Variants in GSN observed in about 807,000 individuals in gnomAD.
The protein encoded by GSN is gelsolin.
In GSN, 56 loss-of-function variants were observed where a neutral mutation model predicts 85.7. The observed-to-expected ratio is 0.65, with a 90% confidence interval of 0.53 to 0.82. The LOEUF (loss-of-function observed/expected upper bound fraction) is 0.82, where lower values mean the gene tolerates loss of function less well. Among genes scored for constraint, GSN ranks in the 40% least tolerant of loss-of-function variants. GSN has a pLI of 0.00. For synonymous variants in GSN, 373 were observed against 399.1 expected (o/e 0.93, Z 0.78); for missense variants, 857 against 979.8 (o/e 0.87, Z 1.67).
chr9:121,229,708 T>C (rs1182751146), intron 4 of GSN, among the ~76,000 whole-genome samples: 1 of 152,226 alleles, frequency 6.6e-6, no homozygotes, highest in African/African-American at 2.4e-5. Context: ...TATCAGTTGG[T>C]TAAAGTGGTG....
rs746855774 is a variant in GSN, at chr9:121,317,223, T to C, written c.886+5T>C. 6 of 1,613,956 alleles carry C rather than the reference T, an allele frequency of 3.7e-6. No homozygotes were observed. The highest frequency in any genetic ancestry group is 5.1e-6 in the Non-Finnish European group (6 of 1,179,998). On this transcript the variant is annotated splice_donor_5th_base_variant and intron_variant, in intron 8 of 17. Transcript: ENST00000432226. Reference sequence around the variant, plus strand: ...GGAAAATCTTTGTCTGGAAAGGTACTGGAGACAGGGAAAGGGTCCCAACTG... The same window carrying C: ...GGAAAATCTTTGTCTGGAAAGGTACCGGAGACAGGGAAAGGGTCCCAACTG...
Position 121,302,070 on chromosome 9 carries a change from C to A in GSN, c.99C>A (p.Asn33Lys). The A allele has an allele frequency of 6.2e-7, 1 of 1,614,246 alleles. No homozygotes were observed. The highest frequency in any genetic ancestry group is 8.5e-7 in the Non-Finnish European group (1 of 1,180,034). Residue 33 changes from asparagine to lysine, a missense_variant, in exon 3 of 18, where the codon AAC (asparagine) becomes AAA (lysine). Coordinates refer to ENST00000432226, the MANE Select transcript of GSN (RefSeq NM_198252.3). ...EKFDLVPVPTNLYGDFFTGDA... is the reference protein window; with the variant it reads ...EKFDLVPVPTKLYGDFFTGDA... ...TCGATCTGGTGCCCGTGCCCACCAA[C>A]CTTTATGGAGACTTCTTCACGGGCG...
intron 1 of GSN, among the ~76,000 whole-genome samples, chr9:121,274,710 G>A (rs1055042135): frequency 3.3e-5 from 5 of 152,124 alleles, no homozygotes; most frequent in Non-Finnish European, 5.9e-5. Flanking sequence ...ATTACTAAGA[G>A]GAAGCTCAGG....
Position 121,299,888 on chromosome 9 carries a change from G to A in GSN, c.-9-2075G>A, listed in dbSNP as rs1588925136. 2 of 1,316,406 alleles carry A rather than the reference G, an allele frequency of 1.5e-6. No homozygotes were observed. Among genetic ancestry groups the A allele is most frequent in the East Asian group, 6.7e-5 (2 of 30,050 alleles). 81.5% of individuals were successfully genotyped at this position (1,316,406 alleles called of 1,614,324 possible). A position where few individuals can be genotyped will look rare whatever the true frequency, so the allele number is the denominator to read the frequency against. Reference sequence around the variant, plus strand: ...TGGCTCCGCACCGCCCCGCGCCCGCGCTGCTTTGCGCGCTGTCCCTGGCGC... The same window carrying A: ...TGGCTCCGCACCGCCCCGCGCCCGCACTGCTTTGCGCGCTGTCCCTGGCGC... On this transcript the variant is annotated intron_variant, in intron 2 of 17. Coordinates refer to ENST00000432226, the MANE Select transcript of GSN (RefSeq NM_198252.3). This position sits in a 1 kb window ranked among gnomAD's most constrained non-coding sequence, Gnocchi z 4.2.
At chr9:121,207,888 G>A (rs572021982) in exon 1 of GSN, 1 of 151,652 alleles carries the variant, frequency 6.6e-6, no homozygotes, top group South Asian at 2.1e-4. Context: ...CCAGGTAGCT[G>A]AGACTACAGG....
intron 4 of GSN, among the ~76,000 whole-genome samples, chr9:121,214,649 ACAT>A (rs1371014076): frequency 6.6e-6 from 1 of 152,214 alleles, no homozygotes; most frequent in African/African-American, 2.4e-5. Context: ...TCCCAGGAAC[ACAT>A]CATTTCTCCT....
intron 5 of GSN, among the ~76,000 whole-genome samples, chr9:121,232,159 A>G (rs1187922609): frequency 6.6e-6 from 1 of 152,158 alleles, no homozygotes; most frequent in East Asian, 1.9e-4. Context: ...ATAATCCCAA[A>G]CCTAACTTGT....
intron 1 of GSN, among the ~76,000 whole-genome samples, chr9:121,275,739 A>T (rs140042015): frequency 6.6e-5 from 10 of 152,342 alleles, no homozygotes; most frequent in African/African-American, 2.4e-4. Flanking sequence ...AGTGGTCTTA[A>T]AAAAGAGACC....
intron 13 of GSN, 192 bp from the exon 14 acceptor site, chr9:121,327,116 A>G (rs2133890324): frequency 1.4e-6 from 1 of 734,330 alleles, no homozygotes; most frequent in Non-Finnish European, 2.5e-6. Flanking sequence ...TTGGCTAGTC[A>G]CAGTGCATTA....
intron 4 of GSN, among the ~76,000 whole-genome samples, chr9:121,219,479 C>G (rs1033566889): frequency 6.6e-6 from 1 of 152,076 alleles, no homozygotes; most frequent in African/African-American, 2.4e-5. Context: ...ACAGCACATT[C>G]CAGGCAGCAG....
At chr9:121,310,426 G>A (rs2060972711) in intron 4 of GSN, 7 of 512,080 alleles carry the variant, frequency 1.4e-5, no homozygotes, top group Non-Finnish European at 2.5e-5. Context: ...GATGCAGTGG[G>A]CAGGGAATCT....
intron 12 of GSN, among the ~76,000 whole-genome samples, chr9:121,325,627 C>T (rs889925020): frequency 4.6e-5 from 7 of 152,110 alleles, no homozygotes; most frequent in African/African-American, 1.2e-4. Context: ...ATAGGGGAAG[C>T]GGACAACAAC....
upstream of GSN, among the ~76,000 whole-genome samples, chr9:121,207,531 G>A (rs185722432): frequency 2.1e-3 from 326 of 152,294 alleles, no homozygotes; most frequent in Non-Finnish European, 3.6e-3. Flanking sequence ...AGACAGTCTA[G>A]GACAAAGGGC....
rs1371740168 is a variant in GSN, at chr9:121,269,525, G to T, written c.-103+1306G>T. Among the ~76,000 whole-genome samples the T allele has an allele frequency of 2.0e-5, 3 of 152,232 alleles. No homozygotes were observed. In the East Asian group the frequency reaches 5.8e-4, roughly 29 times the overall value. The stretch of plus-strand genomic sequence containing the variant: ...ATTCCCTGTACATACACACTTGGGG[G>T]TGCTGGTTGGTGTTTCTTGGGGCTG... On this transcript the variant is annotated intron_variant, in intron 1 of 17. Transcript: ENST00000432226.
At chr9:121,293,983 A>G (rs1277352368) in intron 2 of GSN, among the ~76,000 whole-genome samples, 1 of 152,242 alleles carries the variant, frequency 6.6e-6, no homozygotes, top group East Asian at 1.9e-4. Context: ...CACTGCTAAT[A>G]AGTGATAGAC....
chr9:121,226,235 C>T (rs187091422), intron 4 of GSN, among the ~76,000 whole-genome samples: 11 of 152,362 alleles, frequency 7.2e-5, no homozygotes, highest in African/African-American at 1.2e-4. Context: ...CTGGATACTG[C>T]GCAGGTGCTG....
chr9:121,263,681 G>A (rs1588513609), upstream of GSN, among the ~76,000 whole-genome samples: 1 of 151,866 alleles, frequency 6.6e-6, no homozygotes, highest in African/African-American at 2.4e-5. Context: ...ACCTGAGGTC[G>A]GGAGTTCGAG....
At chr9:121,223,900 C>G (rs1317325139) in intron 4 of GSN, among the ~76,000 whole-genome samples, 1 of 151,948 alleles carries the variant, frequency 6.6e-6, no homozygotes, top group African/African-American at 2.4e-5. Flanking sequence ...CTCAAGTAAT[C>G]CACCCGCCTC....
the GSN span, chr9:121,201,972 G>A: frequency 6.5e-6 from 1 of 152,954 alleles, no homozygotes; most frequent in Non-Finnish European, 1.5e-5. Flanking sequence ...CCGGAAGAGG[G>A]TGGCTGAGGC....
Sources: allele counts gnomAD v4.1 joint callset (sites outside exome capture counted in the v4.1 genomes callset), GRCh38; gene constraint gnomAD v4.1.1; non-coding constraint Gnocchi (gnomAD v3.1); transcripts MANE v1.5; gene names NCBI Gene and HGNC (gene_info 2026-07-23, HGNC 2026-07-21).